KCNT2: variants seen among roughly 807,000 people sequenced by gnomAD.
KCNT2 encodes potassium channel subfamily T member 2.
A neutral mutation model predicts 153.8 loss-of-function variants in KCNT2; 67 were observed. The observed-to-expected ratio is 0.44, with a 90% confidence interval of 0.36 to 0.53. The LOEUF is 0.53. Ranked by LOEUF, KCNT2 falls within the 20% of genes least tolerant of loss-of-function variation. KCNT2 has a pLI of 0.00. For synonymous variants in KCNT2, 500 were observed against 458.8 expected (o/e 1.09, Z -1.15); for missense variants, 975 against 1,354.8 (o/e 0.72, Z 4.40).
In KCNT2 at chr1:196,465,302, A is replaced by G; in HGVS notation, c.629T>C (p.Ile210Thr). The G allele has an allele frequency of 6.5e-7, 1 of 1,546,262 alleles. No homozygotes were observed. The highest frequency in any genetic ancestry group is 8.9e-7 in the Non-Finnish European group (1 of 1,120,018). The part of the protein sequence containing the change: ...LILISTLLCL[I>T]FTCICGIQHL... ...ATATGTACAATCTTACCAGGTGAAGATAAGGCATAGTAATGTAGATATTAA... is the reference window on the plus strand; with the variant it reads ...ATATGTACAATCTTACCAGGTGAAGGTAAGGCATAGTAATGTAGATATTAA... Residue 210 changes from isoleucine (I) to threonine (T), a missense_variant, in exon 8 of 28, where the codon ATC becomes ACC. Ile to Thr is a moderately conservative substitution (Grantham distance 89). Coordinates refer to ENST00000294725, the MANE Select transcript of KCNT2 (RefSeq NM_198503.5).
chr1:196,352,561 T>C (rs1666816529), intron 14 of KCNT2, among the ~76,000 whole-genome samples: 1 of 152,146 alleles, frequency 6.6e-6, no homozygotes, highest in Admixed American at 6.6e-5. Context: ...ATTCCCTTTA[T>C]CACTTTTTAT....
chr1:196,272,864 C>A (rs1490944973), intron 25 of KCNT2, among the ~76,000 whole-genome samples: 1 of 151,762 alleles, frequency 6.6e-6, no homozygotes, highest in African/African-American at 2.4e-5. Context: ...TTAAAGATAA[C>A]CTTCTGTTAT....
Position 196,228,421 on chromosome 1 carries a change from A to G in KCNT2, c.3297-86T>C, listed in dbSNP as rs111647014. Reference sequence around the variant, plus strand: ...CACTGACACTTCATATTTCTAATTTATTTGTTCAGTTTTCAGATTATCTAA... The same window carrying G: ...CACTGACACTTCATATTTCTAATTTGTTTGTTCAGTTTTCAGATTATCTAA... On this transcript the variant is annotated intron_variant, in intron 27 of 27. Transcript: ENST00000294725. The G allele has an allele frequency of 1.6e-3, 1,157 of 717,930 alleles. 15 individuals carry two copies. In the African/African-American group the frequency reaches 0.018, roughly 11 times the overall value. 44.5% of individuals were successfully genotyped at this position (717,930 alleles called of 1,614,324 possible). A position where few individuals can be genotyped will look rare whatever the true frequency, so the allele number is the denominator to read the frequency against.
intron 1 of KCNT2, among the ~76,000 whole-genome samples, chr1:196,498,609 T>C (rs1305167341): frequency 6.6e-6 from 1 of 152,150 alleles, no homozygotes; most frequent in Non-Finnish European, 1.5e-5. Context: ...CTTTGGAAAA[T>C]GTACATCTGA....
At chr1:196,440,791 G>C (rs1203381368) in intron 8 of KCNT2, among the ~76,000 whole-genome samples, 1 of 151,202 alleles carries the variant, frequency 6.6e-6, no homozygotes, top group Non-Finnish European at 1.5e-5. Flanking sequence ...ATCTCAATTT[G>C]ATTCTACTTA....
At chr1:196,402,479 T>C (rs1671498682) in intron 12 of KCNT2, among the ~76,000 whole-genome samples, 1 of 151,532 alleles carries the variant, frequency 6.6e-6, no homozygotes, top group Non-Finnish European at 1.5e-5. Flanking sequence ...TATGAAGCAG[T>C]AAGAATGTGT....
intron 13 of KCNT2, among the ~76,000 whole-genome samples, chr1:196,390,995 A>C (rs1455851787): frequency 6.7e-6 from 1 of 150,198 alleles, no homozygotes; most frequent in South Asian, 2.1e-4. Context: ...AGCCTTAACT[A>C]TCTATTGTAG....
chr1:196,308,151 C>G (rs1661815619), intron 21 of KCNT2, among the ~76,000 whole-genome samples: 1 of 150,120 alleles, frequency 6.7e-6, no homozygotes. Flanking sequence ...TCCTCTTTGT[C>G]TTTTCCTCTT....
At chr1:196,269,596 C>A (rs1925337) in intron 25 of KCNT2, among the ~76,000 whole-genome samples, 126,225 of 152,040 alleles carry the variant, frequency 0.83, 53,549 homozygotes, top group East Asian at 0.97. Flanking sequence ...AGGAAGAAGT[C>A]TTTTTCTTGG....
chr1:196,498,133 T>C (rs1007876225), intron 1 of KCNT2, among the ~76,000 whole-genome samples: 7 of 152,174 alleles, frequency 4.6e-5, no homozygotes, highest in Non-Finnish European at 1.0e-4. Flanking sequence ...ATGTAAAATT[T>C]ACCCGGAATC....
At chr1:196,279,410 T>A (rs1489236620) in intron 25 of KCNT2, among the ~76,000 whole-genome samples, 2 of 151,476 alleles carry the variant, frequency 1.3e-5, no homozygotes, top group Admixed American at 1.3e-4. Context: ...GCAGCAAAAC[T>A]CCATTAAAAA....
chr1:196,241,418 C>T (rs1178066945), intron 26 of KCNT2, among the ~76,000 whole-genome samples: 2 of 151,792 alleles, frequency 1.3e-5, no homozygotes, highest in Non-Finnish European at 2.9e-5. Flanking sequence ...CAGTTTAGTG[C>T]CAAATTATGT....
chr1:196,415,952 T>C (rs1672720532), intron 12 of KCNT2, among the ~76,000 whole-genome samples: 1 of 151,952 alleles, frequency 6.6e-6, no homozygotes, highest in Non-Finnish European at 1.5e-5. Flanking sequence ...ACAGTTTCAG[T>C]TACCCAAGAT....
At chr1:196,592,249 A>C (rs1663450461) in intron 1 of KCNT2, among the ~76,000 whole-genome samples, 1 of 152,010 alleles carries the variant, frequency 6.6e-6, no homozygotes, top group Non-Finnish European at 1.5e-5. Flanking sequence ...ATGTTAAATA[A>C]AATAAGTCAG....
chr1:196,274,386 G>T (rs541320506), intron 25 of KCNT2, among the ~76,000 whole-genome samples: 1 of 151,670 alleles, frequency 6.6e-6, no homozygotes, highest in Non-Finnish European at 1.5e-5. Flanking sequence ...TATAAGAAAT[G>T]CATAATAAAC....
intron 1 of KCNT2, among the ~76,000 whole-genome samples, chr1:196,511,019 T>C (rs1681567841): frequency 6.6e-6 from 1 of 151,914 alleles, no homozygotes; most frequent in Non-Finnish European, 1.5e-5. Context: ...CATCTGGCAA[T>C]ATAGTAGACC....
intron 1 of KCNT2, among the ~76,000 whole-genome samples, chr1:196,580,281 TAAAC>T (rs1661872212): frequency 6.6e-6 from 1 of 152,118 alleles, no homozygotes; most frequent in African/African-American, 2.4e-5. Flanking sequence ...AAAAAAGTGA[TAAAC>T]AATCCCACAG....
chr1:196,591,264 G>C (rs1034794496), intron 1 of KCNT2, among the ~76,000 whole-genome samples: 1 of 151,878 alleles, frequency 6.6e-6, no homozygotes, highest in Non-Finnish European at 1.5e-5. Context: ...TGAGACATTC[G>C]AGCTCCCCTC....
At position 196,256,586 on chromosome 1, in the gene KCNT2, T is replaced by G. The variant is rs879767822; in HGVS notation, c.3211+1608A>C. On this transcript the variant is annotated intron_variant, in intron 26 of 27. Coordinates refer to ENST00000294725, the MANE Select transcript of KCNT2 (RefSeq NM_198503.5). Reference sequence around the variant, plus strand: ...TATTTTTCAACATTTCCTTATGAGTTTTTTGTGTTATTTGAGATATAATTA... The same window carrying G: ...TATTTTTCAACATTTCCTTATGAGTGTTTTGTGTTATTTGAGATATAATTA... Among the ~76,000 whole-genome samples the G allele has an allele frequency of 2.3e-3, 125 of 54,252 alleles. 1 individual carries two copies. The Admixed American group carries it at 0.027, about 12-fold the overall frequency. The allele number at this position is 54,252 out of a possible 152,430, so 35.6% of individuals were successfully genotyped here.
Sources: gnomAD v4.1 joint callset for allele counts (sites outside exome capture counted in the v4.1 genomes callset) on GRCh38, gnomAD v4.1.1 for gene constraint, MANE v1.5 for transcripts, NCBI Gene and HGNC (gene_info 2026-07-23, HGNC 2026-07-21) for gene names.